ATG13: variants seen among roughly 807,000 people sequenced by gnomAD.
ATG13 encodes the protein autophagy-related protein 13.
In ATG13, 23 loss-of-function variants were observed where a neutral mutation model predicts 65.5. That is an observed-to-expected ratio of 0.35 (90% CI 0.25 to 0.50). ATG13 has a LOEUF of 0.50. Among genes scored for constraint, ATG13 ranks in the 20% least tolerant of loss-of-function variants. ATG13 has a pLI of 0.98. For synonymous variants in ATG13, 252 were observed against 245.2 expected (o/e 1.03, Z -0.26); for missense variants, 566 against 677.0 (o/e 0.84, Z 1.82).
At chr11:46,643,612 C>CTT (rs763315083) in intron 2 of ATG13, among the ~76,000 whole-genome samples, 23 of 130,802 alleles carry the variant, frequency 1.8e-4, no homozygotes, top group African/African-American at 4.8e-4. Flanking sequence ...CCTGGGAGGG[C>CTT]TTTTTTTTTT....
rs1212138126 is a variant in ATG13 at position 46,633,026 on chromosome 11, A to ATATT, written c.-14+2927_-14+2928insATTT. ...AAAATATATATATATATATATATAT[A>ATATT]TTTTTTTTTTTTTTTGGCAACGGGG... On this transcript the variant is annotated intron_variant, in intron 2 of 18. Transcript: ENST00000683050. 2.0e-3 allele frequency among the ~76,000 whole-genome samples: 182 copies of ATATT among 90,686 alleles called. 2 individuals carry two copies. Among genetic ancestry groups the ATATT allele is most frequent in the African/African-American group, 9.0e-3 (139 of 15,516 alleles). The allele number at this position is 90,686 out of a possible 152,430, so 59.5% of individuals were successfully genotyped here.
chr11:46,664,075 G>A lies in ATG13; in HGVS notation c.868G>A (p.Gly290Arg), dbSNP rs2061762829. The part of the protein sequence containing the change: ...VTDTLRVPMA[G>R]LAFSHQLSSS... ...GGACACCCTGAGGGTCCCCATGGCA[G>A]GACTGGCCTTTTCCCATCAAGTGAG... Residue 290 changes from glycine (G) to arginine (R), a missense_variant, in exon 12 of 19, where the codon GGA becomes AGA. Around this residue, in one of 2 missense-constraint regions of ATG13, gnomAD observed 387 missense variants for 409.8 expected, o/e 0.94. Coordinates refer to ENST00000683050, the MANE Select transcript of ATG13 (RefSeq NM_001346311.2). The A allele has an allele frequency of 1.3e-6, 2 of 1,595,832 alleles. No individual in the cohort carries two copies. Among genetic ancestry groups the A allele is most frequent in the African/African-American group, 1.3e-5 (1 of 74,614 alleles).
intron 10 of ATG13, among the ~76,000 whole-genome samples, chr11:46,658,302 G>A (rs1208285574): frequency 6.6e-6 from 1 of 152,168 alleles, no homozygotes; most frequent in Non-Finnish European, 1.5e-5. Flanking sequence ...AAATTGAATA[G>A]GCTTGGCTTT....
intron 1 of ATG13, among the ~76,000 whole-genome samples, chr11:46,627,311 G>C (rs879413962): frequency 6.6e-6 from 1 of 151,894 alleles, no homozygotes; most frequent in Non-Finnish European, 1.5e-5. Flanking sequence ...CTTGGGAGGC[G>C]GAGGTTGCAG....
intron 11 of ATG13, among the ~76,000 whole-genome samples, chr11:46,661,048 CAG>C (rs1472826979): frequency 1.3e-5 from 2 of 151,818 alleles, no homozygotes; most frequent in Non-Finnish European, 2.9e-5. Context: ...TGTTTTGAGA[CAG>C]GGTCTGTCTC....
chr11:46,671,369 T>C (rs2063687314), intron 18 of ATG13, among the ~76,000 whole-genome samples: 1 of 152,202 alleles, frequency 6.6e-6, no homozygotes, highest in African/African-American at 2.4e-5. Flanking sequence ...CTTCTCACAG[T>C]TCTGTTTTCC....
chr11:46,634,734 C>A (rs1378269875), intron 2 of ATG13, among the ~76,000 whole-genome samples: 1 of 150,586 alleles, frequency 6.6e-6, no homozygotes, highest in East Asian at 2.0e-4. Flanking sequence ...CGGAGTCTTG[C>A]TCTGTCACCC....
chr11:46,646,175 G>A (rs897349139), intron 5 of ATG13, among the ~76,000 whole-genome samples, 186 bp downstream of exon 5: 1 of 152,098 alleles, frequency 6.6e-6, no homozygotes, highest in Non-Finnish European at 1.5e-5. Context: ...TTGAGACTGA[G>A]TCTCGATCTG....
chr11:46,655,824 A>G (rs2059930965), intron 7 of ATG13, among the ~76,000 whole-genome samples: 1 of 152,110 alleles, frequency 6.6e-6, no homozygotes, highest in African/African-American at 2.4e-5. Flanking sequence ...TGCAGCGTCA[A>G]CTTCCTGGGC....
Position 46,664,087 on chromosome 11 carries a change from T to G in ATG13, c.880T>G (p.Ser294Ala). ...LRVPMAGLAFSHQLSSSRLSY... is the reference protein window; with the variant it reads ...LRVPMAGLAFAHQLSSSRLSY... ...GGTCCCCATGGCAGGACTGGCCTTT[T>G]CCCATCAAGTGAGTCCATAATGGGA... The change falls in exon 12 of 19, where the codon TCC becomes GCC. Residue 294 changes from serine to alanine, a missense_variant. Transcript: ENST00000683050. 6.3e-7 allele frequency: 1 copy of G among 1,592,170 alleles called. No individual in the cohort carries two copies. Among genetic ancestry groups the G allele is most frequent in the South Asian group, 1.1e-5 (1 of 90,186 alleles).
chr11:46,672,806 G>A lies in ATG13; in HGVS notation c.*474G>A, dbSNP rs910584951. 19 of 1,318,944 alleles carry A rather than the reference G, an allele frequency of 1.4e-5. No homozygotes were observed. Among genetic ancestry groups the A allele is most frequent in the African/African-American group, 3.0e-5 (2 of 67,088 alleles). The allele number at this position is 1,318,944 out of a possible 1,614,324, so 81.7% of individuals were successfully genotyped here. A position where few individuals can be genotyped will look rare whatever the true frequency, so the allele number is the denominator to read the frequency against. Reference sequence around the variant, plus strand: ...AGACAGTGCCAGGAGGAAGAAGGAAGGAGTCCCTTAGCTCTCTTCATTGTC... The same window carrying A: ...AGACAGTGCCAGGAGGAAGAAGGAAAGAGTCCCTTAGCTCTCTTCATTGTC... On this transcript the variant is annotated 3_prime_UTR_variant, in exon 19 of 19. Transcript: ENST00000683050.
At chr11:46,629,840 G>T (rs1317939958) in intron 1 of ATG13, 1 of 152,178 alleles carries the variant, frequency 6.6e-6, no homozygotes, top group Non-Finnish European at 1.5e-5. Context: ...ACATGACAGA[G>T]TGACTACATA....
At chr11:46,630,991 T>C (rs1008513106) in intron 2 of ATG13, 1 of 152,202 alleles carries the variant, frequency 6.6e-6, no homozygotes, top group African/African-American at 2.4e-5. Flanking sequence ...GGATTACCTA[T>C]GTGAGTCACC....
chr11:46,639,398 T>A (rs1224782317), intron 2 of ATG13, among the ~76,000 whole-genome samples: 1 of 152,198 alleles, frequency 6.6e-6, no homozygotes, highest in African/African-American at 2.4e-5. Context: ...GACTAGTTGC[T>A]AGAGATAGTC....
Position 46,659,453 on chromosome 11 carries a change from A to G in ATG13, c.757A>G (p.Thr253Ala). The change falls in exon 11 of 19, where the codon ACC becomes GCC. Residue 253 changes from threonine to alanine, a missense_variant. Physicochemically the swap from Thr to Ala is moderately conservative, Grantham distance 58. Coordinates refer to ENST00000683050, the MANE Select transcript of ATG13 (RefSeq NM_001346311.2). ...TGTAGAAGACTCTCAAGAAGTGTGT[A>G]CCACCTCTTTTTCCACCTCCCCACC... is the stretch of plus-strand genomic sequence containing the variant. ...PSVEDSQEVC[T>A]TSFSTSPPSQ... 1 of 1,614,082 alleles carries G rather than the reference A, an allele frequency of 6.2e-7. No homozygotes were observed. The highest frequency in any genetic ancestry group is 1.3e-5 in the African/African-American group (1 of 75,026).
Position 46,672,965 on chromosome 11 carries a change from G to A in ATG13, c.*633G>A, listed in dbSNP as rs1000892722. ...CACTCCCACCCCTGAAGGTCGGGAG[G>A]GTCTGAGCAGCCCTGGTGGCTGCCT... On this transcript the variant is annotated 3_prime_UTR_variant, in exon 19 of 19. Coordinates refer to ENST00000683050, the MANE Select transcript of ATG13 (RefSeq NM_001346311.2). The A allele has an allele frequency of 2.2e-6, 1 of 448,226 alleles. No individual in the cohort carries two copies. The highest frequency in any genetic ancestry group is 3.6e-6 in the Non-Finnish European group (1 of 277,056). 27.8% of individuals were successfully genotyped at this position (448,226 alleles called of 1,614,324 possible).
chr11:46,661,313 T>G (rs2061159407), intron 11 of ATG13, among the ~76,000 whole-genome samples: 1 of 151,558 alleles, frequency 6.6e-6, no homozygotes, highest in Non-Finnish European at 1.5e-5. Context: ...GTCAGGAGTT[T>G]GAGACCAGCC....
intron 8 of ATG13, 34 bp from the exon 9 acceptor site, chr11:46,657,061 G>T (rs369264904): frequency 6.4e-7 from 1 of 1,557,616 alleles, no homozygotes; most frequent in Non-Finnish European, 8.9e-7. Context: ...AGTATTCTCT[G>T]CAAAAGAAGC....
At chr11:46,627,321 G>A (rs1310462165) in intron 1 of ATG13, among the ~76,000 whole-genome samples, 2 of 152,046 alleles carry the variant, frequency 1.3e-5, no homozygotes, top group African/African-American at 4.8e-5. Context: ...GGAGGTTGCA[G>A]TGAGCCGAGA....
Sources: allele counts gnomAD v4.1 joint callset (sites outside exome capture counted in the v4.1 genomes callset), GRCh38; gene constraint gnomAD v4.1.1; regional missense constraint gnomAD v4.1.1; transcripts MANE v1.5; gene names NCBI Gene and HGNC (gene_info 2026-07-23, HGNC 2026-07-21).